NKX6-1: variants seen among roughly 807,000 people sequenced by gnomAD.
NKX6-1 encodes the protein NK6 homeobox 1.
A neutral mutation model predicts 24.9 loss-of-function variants in NKX6-1; 11 were observed. The ratio of observed to expected loss-of-function variants is 0.44; its 90% confidence interval spans 0.28 to 0.73. The LOEUF (loss-of-function observed/expected upper bound fraction) is 0.73. Among genes scored for constraint, NKX6-1 ranks in the 30% least tolerant of loss-of-function variants. The pLI, the probability that NKX6-1 is intolerant of heterozygous loss-of-function variation, is 0.15. For missense variants in NKX6-1, 487 were observed against 502.9 expected (o/e 0.97, Z 0.30); for synonymous variants, 277 against 242.9 (o/e 1.14, Z -1.31).
At position 84,493,243 on chromosome 4, in the gene NKX6-1, C is replaced by G; in HGVS notation, c.*46G>C. On this transcript the variant is annotated 3_prime_UTR_variant, in exon 3 of 3. Transcript: ENST00000295886. The surrounding 1 kb of genome is among the most constrained non-coding windows in gnomAD (Gnocchi z 5.1). ...CGCGGTCCCCGCGCCCCTCGCGGCC[C>G]CAGAGGTGGAGGCCGGAGCCGGGAA... 1 of 1,484,386 alleles carries G rather than the reference C, an allele frequency of 6.7e-7. No homozygotes were observed. Among genetic ancestry groups the G allele is most frequent in the Non-Finnish European group, 8.9e-7 (1 of 1,126,424 alleles). 92.0% of individuals were successfully genotyped at this position (1,484,386 alleles called of 1,614,324 possible).
chr4:84,492,164 A>G lies in NKX6-1; in HGVS notation c.*1125T>C, dbSNP rs1288403086. The G allele has an allele frequency of 1.3e-5, 2 of 152,198 alleles. No homozygotes were observed. The highest frequency in any genetic ancestry group is 2.9e-5 in the Non-Finnish European group (2 of 68,038). The allele number at this position is 152,198 out of a possible 1,614,324, so 9.4% of individuals were successfully genotyped here. A position where few individuals can be genotyped will look rare whatever the true frequency, so the allele number is the denominator to read the frequency against. On this transcript the variant is annotated 3_prime_UTR_variant, in exon 3 of 3. Transcript: ENST00000295886. ...GCTGTAAAAAGAAAACAATTTACAT[A>G]TTCTATAGTATTCTTATGATACAAA... is the stretch of plus-strand genomic sequence containing the variant.
Position 84,498,102 on chromosome 4 carries a change from G to T in NKX6-1, c.127C>A (p.Leu43Met). Residue 43 changes from leucine (L) to methionine (M), a missense_variant, in exon 1 of 3, where the codon CTG (leucine) becomes ATG (methionine). Around this residue, in one of 3 missense-constraint regions of NKX6-1, gnomAD observed 316 missense variants for 311.4 expected, o/e 1.01. Coordinates refer to ENST00000295886, the MANE Select transcript of NKX6-1 (RefSeq NM_006168.3). ...TPLYPAAYPP[L>M]PAGPPSSSSS... ...GAGGAGGAGGGGGGGCCGGCAGGCA[G>T]CGGGGGATACGCGGCAGGGTACAGC... is the stretch of plus-strand genomic sequence containing the variant. 7.9e-7 allele frequency: 1 copy of T among 1,270,792 alleles called. No individual in the cohort carries two copies. The highest frequency in any genetic ancestry group is 9.9e-7 in the Non-Finnish European group (1 of 1,008,248). The allele number at this position is 1,270,792 out of a possible 1,614,324, so 78.7% of individuals were successfully genotyped here. A position where few individuals can be genotyped will look rare whatever the true frequency, so the allele number is the denominator to read the frequency against.
chr4:84,497,734 G>T lies in NKX6-1; in HGVS notation c.495C>A (p.Ser165Arg). Residue 165 changes from serine to arginine, a missense_variant, in exon 1 of 3, where the codon AGC becomes AGA. Physicochemically the swap from Ser to Arg is moderately radical, Grantham distance 110. Coordinates refer to ENST00000295886, the MANE Select transcript of NKX6-1 (RefSeq NM_006168.3). The surrounding 1 kb of genome is among the most constrained non-coding windows in gnomAD (Gnocchi z 4.8). ...GLLAGLPRFS[S>R]LSPPPPPPGL... ...CGGGCGGCGGCGGCGGCGGGCTCAGGCTGCTAAAGCGTGGCAGTCCGGCCA... is the reference window on the plus strand; with the variant it reads ...CGGGCGGCGGCGGCGGCGGGCTCAGTCTGCTAAAGCGTGGCAGTCCGGCCA... 1 of 1,275,470 alleles carries T rather than the reference G, an allele frequency of 7.8e-7. No homozygotes were observed. The highest frequency in any genetic ancestry group is 9.9e-7 in the Non-Finnish European group (1 of 1,011,232). 79.0% of individuals were successfully genotyped at this position (1,275,470 alleles called of 1,614,324 possible). A position where few individuals can be genotyped will look rare whatever the true frequency, so the allele number is the denominator to read the frequency against.
chr4:84,497,351 C>T lies in NKX6-1; in HGVS notation c.670+208G>A, dbSNP rs1159625645. On this transcript the variant is annotated intron_variant, in intron 1 of 2. Transcript: ENST00000295886. This position sits in a 1 kb window ranked among gnomAD's most constrained non-coding sequence, Gnocchi z 4.8. Reference sequence around the variant, plus strand: ...TACTCAAGACTTAGAGAGAGGGAGGCGCTTGGATACAGCCACGCGAGCTCA... The same window carrying T: ...TACTCAAGACTTAGAGAGAGGGAGGTGCTTGGATACAGCCACGCGAGCTCA... 1.3e-5 allele frequency among the ~76,000 whole-genome samples: 2 copies of T among 152,166 alleles called. No individual in the cohort carries two copies. Among genetic ancestry groups the T allele is most frequent in the African/African-American group, 2.4e-5 (1 of 41,442 alleles).
At position 84,497,616 on chromosome 4, in the gene NKX6-1, A is replaced by G. The variant is rs1355244843; in HGVS notation, c.613T>C (p.Trp205Arg). 2 of 1,280,334 alleles carry G rather than the reference A, an allele frequency of 1.6e-6. No individual in the cohort carries two copies. The highest frequency in any genetic ancestry group is 1.5e-5 in the African/African-American group (1 of 64,934). 79.3% of individuals were successfully genotyped at this position (1,280,334 alleles called of 1,614,324 possible). The part of the protein sequence containing the change: ...AELPGRTPIF[W>R]PGVMQSPPWR... ...GGCGGGCTCTGCATCACTCCGGGCC[A>G]GAAGATGGGCGTCCGGCCAGGCAGC... Residue 205 changes from tryptophan to arginine, a missense_variant, in exon 1 of 3, where the codon TGG (tryptophan) becomes CGG (arginine). This residue lies in a region of NKX6-1 where 316 missense variants were observed against 311.4 expected (regional missense o/e 1.01). Transcript: ENST00000295886. This position sits in a 1 kb window ranked among gnomAD's most constrained non-coding sequence, Gnocchi z 4.8.
chr4:84,497,569 G>T lies in NKX6-1; in HGVS notation c.660C>A (p.Ala220=). ...GGTGGTAGTACTCACGAGGGGTACA[G>T]GCCAGGCGTGCGTCCCTCCAGGGCG... ...QSPPWRDARL[A]CTPHQGSILL... The change falls in exon 1 of 3, where the codon GCC becomes GCA. Residue 220 remains alanine, a synonymous_variant. Coordinates refer to ENST00000295886, the MANE Select transcript of NKX6-1 (RefSeq NM_006168.3). The surrounding 1 kb of genome is among the most constrained non-coding windows in gnomAD (Gnocchi z 4.8). 1.6e-6 allele frequency: 2 copies of T among 1,265,852 alleles called. No individual in the cohort carries two copies. Among genetic ancestry groups the T allele is most frequent in the Non-Finnish European group, 1.0e-6 (1 of 999,516 alleles). The allele number at this position is 1,265,852 out of a possible 1,614,324, so 78.4% of individuals were successfully genotyped here. A position where few individuals can be genotyped will look rare whatever the true frequency, so the allele number is the denominator to read the frequency against.
intron 1 of NKX6-1, chr4:84,496,529 C>T (rs1051023344): frequency 6.6e-6 from 1 of 152,256 alleles, no homozygotes; most frequent in Admixed American, 6.5e-5. Flanking sequence ...CAGTTACTGC[C>T]GCTCAGCCGC....
rs748950424 is a variant in NKX6-1, at chr4:84,493,305, G to A, written c.1088C>T (p.Pro363Leu). ...GGGLLLHASEPESSS is the reference protein window; with the variant it reads ...GGGLLLHASELESSS Reference sequence around the variant, plus strand: ...CGGCGGCGTTCAGGATGAGCTCTCCGGCTCGGACGCGTGCAGTAGGAGGCC... The same window carrying A: ...CGGCGGCGTTCAGGATGAGCTCTCCAGCTCGGACGCGTGCAGTAGGAGGCC... Residue 363 changes from proline to leucine, a missense_variant, in exon 3 of 3, where the codon CCG becomes CTG. Around this residue, in one of 3 missense-constraint regions of NKX6-1, gnomAD observed 126 missense variants for 105.5 expected, o/e 1.19. Coordinates refer to ENST00000295886, the MANE Select transcript of NKX6-1 (RefSeq NM_006168.3). This position sits in a 1 kb window ranked among gnomAD's most constrained non-coding sequence, Gnocchi z 5.1. 7 of 1,557,412 alleles carry A rather than the reference G, an allele frequency of 4.5e-6. No individual in the cohort carries two copies. The African/African-American group carries it at 8.5e-5, about 19-fold the overall frequency.
rs1216625399 is a variant in NKX6-1 at position 84,498,840 on chromosome 4, T to C, written c.-612A>G. On this transcript the variant is annotated 5_prime_UTR_variant, in exon 1 of 3. Transcript: ENST00000295886. Reference sequence around the variant, plus strand: ...CAGCCCGCGGGAGATCTAGCCTCTGTGCGGGCTTCCTCCGCCCACGCTGCC... The same window carrying C: ...CAGCCCGCGGGAGATCTAGCCTCTGCGCGGGCTTCCTCCGCCCACGCTGCC... Among the ~76,000 whole-genome samples, 1 of 152,232 alleles carries C rather than the reference T, an allele frequency of 6.6e-6. No individual in the cohort carries two copies. Among genetic ancestry groups the C allele is most frequent in the Non-Finnish European group, 1.5e-5 (1 of 68,036 alleles).
In NKX6-1 at chr4:84,497,256, C is replaced by T. The variant is rs1287720181; in HGVS notation, c.670+303G>A. Among the ~76,000 whole-genome samples, 3 of 152,106 alleles carry T rather than the reference C, an allele frequency of 2.0e-5. No homozygotes were observed. The highest frequency in any genetic ancestry group is 1.5e-5 in the Non-Finnish European group (1 of 68,018). On this transcript the variant is annotated intron_variant, in intron 1 of 2. Coordinates refer to ENST00000295886, the MANE Select transcript of NKX6-1 (RefSeq NM_006168.3). The surrounding 1 kb of genome is among the most constrained non-coding windows in gnomAD (Gnocchi z 4.8). ...GCCGTTTCAGGAACAGCCAGGGCCT[C>T]GGACGAGACACACGTCCCTCACCGC... is the stretch of plus-strand genomic sequence containing the variant.
chr4:84,493,683 G>A lies in NKX6-1; in HGVS notation c.844-134C>T. 9.0e-7 allele frequency: 1 copy of A among 1,114,100 alleles called. No homozygotes were observed. Among genetic ancestry groups the A allele is most frequent in the Non-Finnish European group, 1.3e-6 (1 of 796,996 alleles). 69.0% of individuals were successfully genotyped at this position (1,114,100 alleles called of 1,614,324 possible). A position where few individuals can be genotyped will look rare whatever the true frequency, so the allele number is the denominator to read the frequency against. ...CGAAGGCCTGCTGCCCTCCCTCGCA[G>A]CCCTCCCTTTTCTCGGCCGTCAAAG... On this transcript the variant is annotated intron_variant, in intron 2 of 2. Coordinates refer to ENST00000295886, the MANE Select transcript of NKX6-1 (RefSeq NM_006168.3). This position sits in a 1 kb window ranked among gnomAD's most constrained non-coding sequence, Gnocchi z 5.1.
rs1163791212 is a variant in NKX6-1 at position 84,497,797 on chromosome 4, G to C, written c.432C>G (p.Ala144=). 1.6e-6 allele frequency: 2 copies of C among 1,269,276 alleles called. No individual in the cohort carries two copies. The highest frequency in any genetic ancestry group is 1.6e-5 in the African/African-American group (1 of 64,450). The allele number at this position is 1,269,276 out of a possible 1,614,324, so 78.6% of individuals were successfully genotyped here. Residue 144 remains alanine, a synonymous_variant, in exon 1 of 3, where the codon GCC becomes GCG. Transcript: ENST00000295886. This position sits in a 1 kb window ranked among gnomAD's most constrained non-coding sequence, Gnocchi z 4.8. ...SSASAAAAAA[A]AAAAAASSPA... ...GGGATGAGGCGGCGGCTGCGGCCGC[G>C]GCAGCAGCCGCGGCGGCGGCAGAGG... is the stretch of plus-strand genomic sequence containing the variant.
Sources: allele counts gnomAD v4.1 joint callset (sites outside exome capture counted in the v4.1 genomes callset), GRCh38; gene constraint gnomAD v4.1.1; regional missense constraint gnomAD v4.1.1; non-coding constraint Gnocchi (gnomAD v3.1); transcripts MANE v1.5; gene names NCBI Gene and HGNC (gene_info 2026-07-23, HGNC 2026-07-21).